The following SCFD1 variants were observed in gnomAD, a reference collection of about 807,000 sequenced individuals.
SCFD1 encodes sec1 family domain containing 1.
A neutral mutation model predicts 103.2 loss-of-function variants in SCFD1; 37 were observed. That is an observed-to-expected ratio of 0.36 (90% CI 0.28 to 0.47). SCFD1 has a LOEUF of 0.47. Ranked by LOEUF, SCFD1 falls within the 20% of genes least tolerant of loss-of-function variation. The pLI is 1.00. For missense variants in SCFD1, 639 were observed against 761.2 expected (o/e 0.84, Z 1.89); for synonymous variants, 264 against 245.0 (o/e 1.08, Z -0.73).
chr14:30,660,275 T>C (rs947030527), intron 10 of SCFD1, among the ~76,000 whole-genome samples: 24 of 152,318 alleles, frequency 1.6e-4, no homozygotes, highest in African/African-American at 5.1e-4. Context: ...GATTGTATCC[T>C]TTTGTATTCC....
At chr14:30,703,750 T>C (rs1420445815) in intron 17 of SCFD1, among the ~76,000 whole-genome samples, 1 of 150,050 alleles carries the variant, frequency 6.7e-6, no homozygotes, top group East Asian at 1.9e-4. Context: ...TCTGTGTTCT[T>C]GTAATAAGAA....
chr14:30,675,659 C>T (rs1361937615), intron 14 of SCFD1, among the ~76,000 whole-genome samples: 1 of 152,172 alleles, frequency 6.6e-6, no homozygotes, highest in Non-Finnish European at 1.5e-5. Flanking sequence ...GTTCTCCACA[C>T]TTGGAGCTGA....
At chr14:30,641,437 G>A (rs1432336578) in intron 6 of SCFD1, among the ~76,000 whole-genome samples, 21 of 152,070 alleles carry the variant, frequency 1.4e-4, no homozygotes, top group Admixed American at 1.4e-3. Flanking sequence ...TGAGAGATGT[G>A]GAACTAGGAT....
intron 10 of SCFD1, among the ~76,000 whole-genome samples, chr14:30,660,780 A>C (rs767273885): frequency 6.6e-6 from 1 of 152,076 alleles, no homozygotes; most frequent in East Asian, 1.9e-4. Context: ...ATGTTTTTAC[A>C]CTATTACAGT....
intron 19 of SCFD1, chr14:30,715,568 CAAA>C (rs36045306): frequency 1.7e-4 from 17 of 99,732 alleles, no homozygotes; most frequent in South Asian, 3.3e-4. Context: ...GTCTCCATGT[CAAA>C]AAAAAAAAAA....
intron 19 of SCFD1, among the ~76,000 whole-genome samples, chr14:30,710,395 A>G (rs577172166): frequency 2.6e-5 from 4 of 151,212 alleles, no homozygotes; most frequent in African/African-American, 9.7e-5. Context: ...GGGGGTAGGA[A>G]TGGTTCATTT....
chr14:30,680,731 C>T (rs1342010232), intron 14 of SCFD1, among the ~76,000 whole-genome samples: 3 of 152,034 alleles, frequency 2.0e-5, no homozygotes, highest in Admixed American at 6.5e-5. Context: ...AGTTCAAGTC[C>T]AGTTGACCAA....
At chr14:30,667,419 C>G (rs1442103096) in intron 10 of SCFD1, among the ~76,000 whole-genome samples, 5 of 151,916 alleles carry the variant, frequency 3.3e-5, no homozygotes, top group African/African-American at 4.8e-5. Flanking sequence ...AATAATAAGA[C>G]CTATTTATGA....
At chr14:30,731,444 T>C (rs1893458865) in intron 23 of SCFD1, among the ~76,000 whole-genome samples, 1 of 152,240 alleles carries the variant, frequency 6.6e-6, no homozygotes, top group South Asian at 2.1e-4. Flanking sequence ...CCTTGGGCAG[T>C]ATGGCCATTT....
Position 30,703,964 on chromosome 14 carries a change from A to AT in SCFD1, c.1490+1589_1490+1590insT, listed in dbSNP as rs1182473460. On this transcript the variant is annotated intron_variant, in intron 17 of 24. Coordinates refer to ENST00000458591, the MANE Select transcript of SCFD1 (RefSeq NM_016106.4). ...ATATATATATATATATATATATATA[A>AT]ATAATGAGATATCTTGGGGATGGGA... Among the ~76,000 whole-genome samples the AT allele has an allele frequency of 7.7e-3, 270 of 35,094 alleles. 28 individuals carry two copies. Among genetic ancestry groups the AT allele is most frequent in the African/African-American group, 9.2e-3 (47 of 5,108 alleles). The allele number at this position is 35,094 out of a possible 152,430, so 23.0% of individuals were successfully genotyped here.
intron 19 of SCFD1, 49 bp from the exon 20 acceptor site, chr14:30,715,874 GA>G: frequency 9.9e-7 from 1 of 1,007,552 alleles, no homozygotes; most frequent in Middle Eastern, 2.1e-4. Context: ...TTTTAATAGA[GA>G]AGAACTTTGG....
At chr14:30,673,380 G>A (rs760606551) in intron 12 of SCFD1, 33 bp downstream of exon 12, 1 of 1,168,016 alleles carries the variant, frequency 8.6e-7, no homozygotes, top group Non-Finnish European at 1.3e-6. Flanking sequence ...AGAATTATAG[G>A]AAAGAGGAGG....
intron 3 of SCFD1, among the ~76,000 whole-genome samples, chr14:30,632,026 CAG>C (rs1323201889): frequency 2.6e-5 from 3 of 117,312 alleles, no homozygotes; most frequent in Non-Finnish European, 3.2e-5. Context: ...CTGGCCTGGG[CAG>C]CAGAGCAAGA....
At chr14:30,629,213 ATGTAT>A (rs1230887431) in intron 2 of SCFD1, among the ~76,000 whole-genome samples, 102 of 152,234 alleles carry the variant, frequency 6.7e-4, no homozygotes, top group African/African-American at 2.4e-3. Flanking sequence ...AATAATACAC[ATGTAT>A]TGAGATTAAA....
intron 19 of SCFD1, among the ~76,000 whole-genome samples, chr14:30,714,171 C>A (rs1375768523): frequency 4.7e-5 from 7 of 148,216 alleles, no homozygotes; most frequent in Admixed American, 4.0e-4. Context: ...CAAGGTGAAA[C>A]CCCGTCTCTA....
chr14:30,636,466 G>A (rs890735007), intron 4 of SCFD1, among the ~76,000 whole-genome samples: 9 of 151,980 alleles, frequency 5.9e-5, no homozygotes, highest in East Asian at 1.9e-4. Context: ...TTGTCCCAGC[G>A]TAATTTATTA....
chr14:30,681,944 A>G (rs1006393716), intron 14 of SCFD1, among the ~76,000 whole-genome samples: 8 of 152,210 alleles, frequency 5.3e-5, no homozygotes, highest in African/African-American at 1.9e-4. Flanking sequence ...AGCCAAGTCT[A>G]TCGCCCTCTA....
At chr14:30,703,638 C>A (rs1566645500) in intron 17 of SCFD1, among the ~76,000 whole-genome samples, 1 of 149,924 alleles carries the variant, frequency 6.7e-6, no homozygotes, top group Non-Finnish European at 1.5e-5. Flanking sequence ...AAAAGCATAA[C>A]AAGAGAATTA....
chr14:30,704,363 C>G (rs1039366647), intron 17 of SCFD1, among the ~76,000 whole-genome samples: 1 of 152,060 alleles, frequency 6.6e-6, no homozygotes, highest in African/African-American at 2.4e-5. Flanking sequence ...ACTGGGAAAT[C>G]ATTTTTAGAG....
Sources: allele counts gnomAD v4.1 joint callset (sites outside exome capture counted in the v4.1 genomes callset), GRCh38; gene constraint gnomAD v4.1.1; transcripts MANE v1.5; gene names NCBI Gene and HGNC (gene_info 2026-07-23, HGNC 2026-07-21).